Variants in CFDP1 observed in about 807,000 individuals in gnomAD.
The protein encoded by CFDP1 is chromatin remodeling protein CFDP1.
In CFDP1, 31 loss-of-function variants were observed where a neutral mutation model predicts 40.1. The ratio of observed to expected loss-of-function variants is 0.77; its 90% CI spans 0.58 to 1.04. CFDP1 has a LOEUF of 1.04. Among genes scored for constraint, CFDP1 ranks in the 50% least tolerant of loss-of-function variants. The pLI, the probability that CFDP1 is intolerant of heterozygous loss-of-function variation, is 0.00. For synonymous variants in CFDP1, 167 were observed against 120.0 expected, an observed-to-expected ratio of 1.39 and a Z score of -2.56; for missense variants, 423 against 343.4, an observed-to-expected ratio of 1.23 and a Z score of -1.83.
At chr16:75,339,831 A>C (rs557035900) in intron 5 of CFDP1, among the ~76,000 whole-genome samples, 2 of 152,194 alleles carry the variant, frequency 1.3e-5, no homozygotes, top group African/African-American at 4.8e-5. Flanking sequence ...ACCAGGTAGA[A>C]GCTGTTCTAG....
At chr16:75,350,848 T>C (rs2151525987) in intron 5 of CFDP1, among the ~76,000 whole-genome samples, 1 of 152,192 alleles carries the variant, frequency 6.6e-6, no homozygotes, top group South Asian at 2.1e-4. Flanking sequence ...TAAATAAAAA[T>C]TTAAATGGGA....
At chr16:75,351,638 A>G (rs1368311805) in intron 5 of CFDP1, among the ~76,000 whole-genome samples, 7 of 152,244 alleles carry the variant, frequency 4.6e-5, no homozygotes, top group Non-Finnish European at 8.8e-5. Flanking sequence ...GGAGGAGGTT[A>G]GTGTACCAAT....
At chr16:75,330,393 C>A (rs1406356759) in intron 5 of CFDP1, among the ~76,000 whole-genome samples, 1 of 152,180 alleles carries the variant, frequency 6.6e-6, no homozygotes, top group African/African-American at 2.4e-5. Flanking sequence ...TCAAGACCAG[C>A]CTGACCAACA....
chr16:75,312,149 C>T (rs934457507), intron 5 of CFDP1, among the ~76,000 whole-genome samples: 3 of 152,148 alleles, frequency 2.0e-5, no homozygotes, highest in Non-Finnish European at 4.4e-5. Context: ...CTGTATAAAT[C>T]TCTAAGTAAT....
intron 1 of CFDP1, among the ~76,000 whole-genome samples, chr16:75,415,057 A>G (rs903271194): frequency 2.6e-5 from 4 of 152,246 alleles, no homozygotes; most frequent in Non-Finnish European, 5.9e-5. Context: ...AGAAATTTCA[A>G]TTCTACTAAT....
At chr16:75,324,788 A>G (rs1597331895) in intron 5 of CFDP1, 1 of 150,690 alleles carries the variant, frequency 6.6e-6, no homozygotes, top group Non-Finnish European at 1.5e-5. Context: ...AGATTAGTGG[A>G]GCTGGGACTC....
At chr16:75,323,712 G>C (rs957807984) in intron 5 of CFDP1, among the ~76,000 whole-genome samples, 7 of 151,228 alleles carry the variant, frequency 4.6e-5, no homozygotes, top group Non-Finnish European at 8.8e-5. Context: ...CCAGGAGGTA[G>C]AGGTTGCAGT....
At chr16:75,386,203 T>C (rs2078896599) in intron 5 of CFDP1, among the ~76,000 whole-genome samples, 1 of 152,188 alleles carries the variant, frequency 6.6e-6, no homozygotes, top group Non-Finnish European at 1.5e-5. Context: ...TTGAAACTTG[T>C]TGGCACTATA....
intron 5 of CFDP1, among the ~76,000 whole-genome samples, chr16:75,339,610 G>A (rs1349460227): frequency 2.6e-5 from 4 of 152,126 alleles, no homozygotes; most frequent in African/African-American, 9.7e-5. Flanking sequence ...GGATATGCAG[G>A]GCTTCTGGAC....
chr16:75,346,291 G>T (rs1201300133), intron 5 of CFDP1, among the ~76,000 whole-genome samples: 1 of 152,092 alleles, frequency 6.6e-6, no homozygotes, highest in Non-Finnish European at 1.5e-5. Flanking sequence ...AGTGTAAAGA[G>T]CACCAGGTAG....
chr16:75,407,987 C>T (rs1484685201), intron 4 of CFDP1, among the ~76,000 whole-genome samples: 4 of 151,824 alleles, frequency 2.6e-5, no homozygotes, highest in African/African-American at 9.7e-5. Context: ...GCCTATAGTC[C>T]CACGCACTCG....
In CFDP1 at chr16:75,366,439, A is replaced by G. The variant is rs141511315; in HGVS notation, c.650+28651T>C. 2.9e-3 allele frequency among the ~76,000 whole-genome samples: 437 copies of G among 152,248 alleles called. 2 individuals carry two copies. Among genetic ancestry groups the G allele is most frequent in the African/African-American group, 9.9e-3 (413 of 41,562 alleles). On this transcript the variant is annotated intron_variant, in intron 5 of 6. Coordinates refer to ENST00000283882, the MANE Select transcript of CFDP1 (RefSeq NM_006324.3). ...GCAGCTCAGTATCAGCCTGGCCAAC[A>G]TGGTGAAACCCTGTCTCTACCAAAA... is the stretch of plus-strand genomic sequence containing the variant.
chr16:75,382,089 TG>T (rs949108233), intron 5 of CFDP1, among the ~76,000 whole-genome samples: 1 of 146,052 alleles, frequency 6.8e-6, no homozygotes, highest in Non-Finnish European at 1.5e-5. Flanking sequence ...CACTCCAGCC[TG>T]GGCAACAGGA....
intron 5 of CFDP1, among the ~76,000 whole-genome samples, chr16:75,367,752 C>T (rs532923381): frequency 5.1e-5 from 7 of 136,178 alleles, no homozygotes; most frequent in Admixed American, 3.4e-4. Context: ...AAGATCCTGC[C>T]ATTGTACTCC....
chr16:75,331,218 TCCTCTCCTCC>T (rs2078443903), intron 5 of CFDP1, among the ~76,000 whole-genome samples: 1 of 152,140 alleles, frequency 6.6e-6, no homozygotes, highest in Non-Finnish European at 1.5e-5. Flanking sequence ...TTTCCCAGGG[TCCTCTCCTCC>T]CTTTACTTGG....
At chr16:75,415,502 C>A (rs1355374679) in intron 1 of CFDP1, among the ~76,000 whole-genome samples, 1 of 152,224 alleles carries the variant, frequency 6.6e-6, no homozygotes, top group East Asian at 1.9e-4. Context: ...CAGAAGGCCC[C>A]CTGTGCTCCC....
chr16:75,422,346 C>T (rs1435403649), intron 1 of CFDP1, among the ~76,000 whole-genome samples: 1 of 151,610 alleles, frequency 6.6e-6, no homozygotes, highest in African/African-American at 2.4e-5. Flanking sequence ...CCACCTGCCT[C>T]GACCTCCCAA....
chr16:75,341,450 T>G (rs1384228546), intron 5 of CFDP1, among the ~76,000 whole-genome samples: 2 of 152,168 alleles, frequency 1.3e-5, no homozygotes, highest in African/African-American at 4.8e-5. Context: ...GGAAGGAAAT[T>G]ATGAAGAGAT....
chr16:75,389,850 C>G lies in CFDP1; in HGVS notation c.650+5240G>C, dbSNP rs142056002. Among the ~76,000 whole-genome samples the G allele has an allele frequency of 1.5e-3, 221 of 152,264 alleles. 1 individual carries two copies. Among genetic ancestry groups the G allele is most frequent in the African/African-American group, 5.2e-3 (218 of 41,560 alleles). On this transcript the variant is annotated intron_variant, in intron 5 of 6. Coordinates refer to ENST00000283882, the MANE Select transcript of CFDP1 (RefSeq NM_006324.3). ...CAGATACCCCAGATCAGCTGAATTC[C>G]TCTTGGACCCGTCTTTTCCCAAGCA...
Sources: allele counts gnomAD v4.1 joint callset (sites outside exome capture counted in the v4.1 genomes callset), GRCh38; gene constraint gnomAD v4.1.1; transcripts MANE v1.5; gene names NCBI Gene and HGNC (gene_info 2026-07-23, HGNC 2026-07-21).